Variants in ADGRG4 observed in about 807,000 individuals in gnomAD.
ADGRG4 encodes adhesion G protein-coupled receptor G4, also known as G protein-coupled receptor 112.
ADGRG4 carries 122 observed loss-of-function variants against 126.2 expected under a neutral mutation model. That is an observed-to-expected ratio of 0.97 (90% CI 0.83 to 1.12). The LOEUF is 1.12. Ranked by LOEUF, ADGRG4 falls within the 50% of genes most tolerant of loss-of-function variation. The probability of loss-of-function intolerance (pLI) is 0.00; values close to 1 mark genes in which losing one functional copy is unlikely to be tolerated. For missense variants in ADGRG4, 2,481 were observed against 2,251.8 expected, an observed-to-expected ratio of 1.10 and a Z score of -2.06; for synonymous variants, 943 against 838.7, an observed-to-expected ratio of 1.12 and a Z score of -2.15.
intron 15 of ADGRG4, among the ~76,000 whole-genome samples, chrX:136,384,081 T>A (rs756174751): frequency 2.0e-4 from 22 of 109,358 alleles, no homozygotes; most frequent in South Asian, 4.0e-4. Flanking sequence ...TTATTTATTT[T>A]TTTATTTTTA....
Position 136,344,728 on chromosome X carries a change from A to G in ADGRG4, c.1022A>G (p.Lys341Arg). The G allele has an allele frequency of 1.7e-6, 2 of 1,209,668 alleles. No individual in the cohort carries two copies. Among genetic ancestry groups the G allele is most frequent in the East Asian group, 5.9e-5 (2 of 33,835 alleles). Residue 341 changes from lysine (K) to arginine (R), a missense_variant, in exon 6 of 26, where the codon AAA (lysine) becomes AGA (arginine). Lys to Arg is a conservative substitution (Grantham distance 26). Transcript: ENST00000394143. The stretch of plus-strand genomic sequence containing the variant: ...ATAGACAATACTACCAATTCCATGA[A>G]AAAAACGAAATCTCCATCTTCAGAA... Reference protein sequence around the residue: ...ISIDNTTNSMKKTKSPSSEST... With the variant: ...ISIDNTTNSMRKTKSPSSEST...
At chrX:136,380,609 CTTCTTCT>C (rs2075256238) in intron 15 of ADGRG4, among the ~76,000 whole-genome samples, 4 of 62,101 alleles carry the variant, frequency 6.4e-5, no homozygotes, top group African/African-American at 2.8e-4. Context: ...TCCTCCTCTT[CTTCTTCT>C]TCTTCTTCTT....
At chrX:136,353,446 C>A in intron 8 of ADGRG4, 45 bp downstream of exon 8, 2 of 901,360 alleles carry the variant, frequency 2.2e-6, no homozygotes, top group Non-Finnish European at 3.3e-6. Flanking sequence ...AATTTGAGGG[C>A]ATTTTGGGTC....
Position 136,361,627 on chromosome X carries a change from C to T in ADGRG4, c.7277+40C>T, listed in dbSNP as rs375137053. On this transcript the variant is annotated intron_variant, in intron 12 of 25. Coordinates refer to ENST00000394143, the MANE Select transcript of ADGRG4 (RefSeq NM_153834.4). ...AGTTCTAATTGCTGATTCAGATATA[C>T]AAAGATCTACCTAATTGGGGACATG... 48 of 1,043,772 alleles carry T rather than the reference C, an allele frequency of 4.6e-5. No individual in the cohort carries two copies. The African/African-American group carries it at 8.2e-4, about 18-fold the overall frequency. The allele number at this position is 1,043,772 out of a possible 1,213,427, so 86.0% of individuals were successfully genotyped here. A position where few individuals can be genotyped will look rare whatever the true frequency, so the allele number is the denominator to read the frequency against.
intron 15 of ADGRG4, among the ~76,000 whole-genome samples, chrX:136,383,408 C>T (rs2075273830): frequency 8.9e-6 from 1 of 111,840 alleles, no homozygotes; most frequent in African/African-American, 3.2e-5. Context: ...AAATACCCCT[C>T]TTTATCTCTG....
chrX:136,310,716 G>T (rs1014115367), intron 4 of ADGRG4, among the ~76,000 whole-genome samples: 6 of 111,187 alleles, frequency 5.4e-5, no homozygotes, highest in African/African-American at 2.0e-4. Flanking sequence ...AATATCAAGG[G>T]TTGAGAAGGA....
rs1184404682 is a variant in ADGRG4 at position 136,416,572 on chromosome X, G to A, written c.*81G>A. 1.4e-5 allele frequency: 10 copies of A among 727,009 alleles called. No individual in the cohort carries two copies. In the Admixed American group the frequency reaches 1.5e-4, roughly 11 times the overall value. The allele number at this position is 727,009 out of a possible 1,213,427, so 59.9% of individuals were successfully genotyped here. A position where few individuals can be genotyped will look rare whatever the true frequency, so the allele number is the denominator to read the frequency against. On this transcript the variant is annotated 3_prime_UTR_variant, in exon 26 of 26. Coordinates refer to ENST00000394143, the MANE Select transcript of ADGRG4 (RefSeq NM_153834.4). ...ATGAATTCCAAGTGTATACTTGCTC[G>A]GGTGATGGGTGCACCAAAATCTCAC...
intron 19 of ADGRG4, among the ~76,000 whole-genome samples, 166 bp from the exon 20 acceptor site, chrX:136,397,715 A>G (rs2075358470): frequency 9.0e-6 from 1 of 111,498 alleles, no homozygotes; most frequent in Admixed American, 9.5e-5. Context: ...ATACTCAGCA[A>G]ACAATATTTG....
At chrX:136,375,718 C>A (rs944880485) in intron 15 of ADGRG4, among the ~76,000 whole-genome samples, 2 of 111,712 alleles carry the variant, frequency 1.8e-5, no homozygotes, top group African/African-American at 6.5e-5. Context: ...CCTTTGCCCA[C>A]TTTTTGATAG....
intron 20 of ADGRG4, among the ~76,000 whole-genome samples, chrX:136,398,394 A>T (rs2075362117): frequency 8.9e-6 from 1 of 112,257 alleles, no homozygotes; most frequent in African/African-American, 3.2e-5. Context: ...ATGTATAAAT[A>T]ACTCCACAAA....
chrX:136,328,096 T>C (rs907633403), intron 5 of ADGRG4, among the ~76,000 whole-genome samples: 1 of 111,661 alleles, frequency 9.0e-6, no homozygotes, highest in Non-Finnish European at 1.9e-5. Context: ...ATATGCATCC[T>C]TTTCTGCATC....
At chrX:136,334,316 C>T (rs973303591) in intron 5 of ADGRG4, among the ~76,000 whole-genome samples, 5 of 111,257 alleles carry the variant, frequency 4.5e-5, no homozygotes, top group African/African-American at 1.3e-4. Flanking sequence ...ATGTATCTAT[C>T]CCTCTGCCAA....
intron 4 of ADGRG4, among the ~76,000 whole-genome samples, chrX:136,311,633 T>G (rs2074772103): frequency 9.0e-6 from 1 of 110,650 alleles, no homozygotes; most frequent in Admixed American, 9.7e-5. Context: ...GGAATCAACT[T>G]TCCTGAGAAG....
chrX:136,390,133 C>T (rs1373283071), intron 16 of ADGRG4, among the ~76,000 whole-genome samples: 2 of 111,488 alleles, frequency 1.8e-5, no homozygotes, highest in Non-Finnish European at 3.8e-5. Flanking sequence ...TCACTGCAAC[C>T]TCTAACTCCT....
chrX:136,408,053 A>T (rs1020544450), intron 23 of ADGRG4, among the ~76,000 whole-genome samples: 1 of 111,994 alleles, frequency 8.9e-6, no homozygotes, highest in African/African-American at 3.3e-5. Context: ...CTCTGTGGAA[A>T]GAGGGGTTAA....
At chrX:136,323,577 A>AACACAC (rs138686053) in intron 5 of ADGRG4, among the ~76,000 whole-genome samples, 185 bp downstream of exon 5, 1,539 of 93,989 alleles carry the variant, frequency 0.016, 31 homozygotes, top group African/African-American at 0.042. Flanking sequence ...AGGATAGAAG[A>AACACAC]ACACACACAC....
At chrX:136,375,135 T>G (rs189734580) in intron 15 of ADGRG4, among the ~76,000 whole-genome samples, 1 of 111,589 alleles carries the variant, frequency 9.0e-6, no homozygotes, top group Non-Finnish European at 1.9e-5. Flanking sequence ...ATATATGATA[T>G]TTGGTTTTCC....
chrX:136,344,249 T>C, intron 5 of ADGRG4, 143 bp from the exon 6 acceptor site: 1 of 448,305 alleles, frequency 2.2e-6, no homozygotes, highest in South Asian at 4.1e-5. Flanking sequence ...GAAAATTATC[T>C]TAAGGAAAAT....
intron 5 of ADGRG4, among the ~76,000 whole-genome samples, chrX:136,325,963 G>A (rs747749407): frequency 2.8e-4 from 31 of 111,611 alleles, no homozygotes; most frequent in African/African-American, 9.1e-4. Context: ...TGCCTGCCTC[G>A]CCCTCCCAGA....
Sources: allele counts gnomAD v4.1 joint callset (sites outside exome capture counted in the v4.1 genomes callset), GRCh38; gene constraint gnomAD v4.1.1; transcripts MANE v1.5; gene names NCBI Gene and HGNC (gene_info 2026-07-23, HGNC 2026-07-21).